ERLIN1: variants seen among roughly 807,000 people sequenced by gnomAD.
ERLIN1 encodes erlin-1.
In ERLIN1, 24 loss-of-function variants were observed where a neutral mutation model predicts 46.9. The ratio of observed to expected loss-of-function variants is 0.51; its 90% CI spans 0.37 to 0.72. The LOEUF (loss-of-function observed/expected upper bound fraction) is 0.72. Among genes scored for constraint, ERLIN1 ranks in the 30% least tolerant of loss-of-function variants. The pLI, the probability that ERLIN1 is intolerant of heterozygous loss-of-function variation, is 0.00. For missense variants in ERLIN1, 293 were observed against 417.9 expected, an observed-to-expected ratio of 0.70 and a Z score of 2.61; for synonymous variants, 158 against 143.2, an observed-to-expected ratio of 1.10 and a Z score of -0.74.
intron 8 of ERLIN1, among the ~76,000 whole-genome samples, chr10:100,162,599 A>G (rs11819020): frequency 0.13 from 20,335 of 152,160 alleles, 3,076 homozygotes; most frequent in African/African-American, 0.38. Context: ...CTGTGGAAAA[A>G]TACCTTACCT....
At position 100,185,554 on chromosome 10, in the gene ERLIN1, T is replaced by C; in HGVS notation, c.73A>G (p.Ile25Val). ...GLVAVLLYAS[I>V]HKIEEGHLAV... ...AGATGGCCCTCCTCAATCTTGTGGA[T>C]GGAGGCGTAGAGCAGGACAGCCACC... The change falls in exon 1 of 11, where the codon ATC becomes GTC. Residue 25 changes from isoleucine (I) to valine (V), a missense_variant. Ile to Val is a conservative substitution (Grantham distance 29, BLOSUM62 3). Transcript: ENST00000421367. 6.2e-7 allele frequency: 1 copy of C among 1,613,984 alleles called. No individual in the cohort carries two copies. Among genetic ancestry groups the C allele is most frequent in the Non-Finnish European group, 8.5e-7 (1 of 1,179,852 alleles).
chr10:100,184,350 C>G (rs143614631), intron 1 of ERLIN1, among the ~76,000 whole-genome samples: 37 of 151,886 alleles, frequency 2.4e-4, no homozygotes, highest in Admixed American at 1.6e-3. Context: ...TATATAAAAA[C>G]AAAAAATTAG....
intron 2 of ERLIN1, among the ~76,000 whole-genome samples, chr10:100,179,701 C>G (rs2134173936): frequency 6.6e-6 from 1 of 152,298 alleles, no homozygotes; most frequent in Middle Eastern, 3.4e-3. Flanking sequence ...AAGTGATCCA[C>G]CCACCTTGGC....
rs573200218 is a variant in ERLIN1, at chr10:100,151,728, T to C, written c.*403A>G. 3.4e-6 allele frequency: 1 copy of C among 293,984 alleles called. No homozygotes were observed. Among genetic ancestry groups the C allele is most frequent in the East Asian group, 8.5e-5 (1 of 11,776 alleles). 18.2% of individuals were successfully genotyped at this position (293,984 alleles called of 1,614,324 possible). A position where few individuals can be genotyped will look rare whatever the true frequency, so the allele number is the denominator to read the frequency against. On this transcript the variant is annotated 3_prime_UTR_variant, in exon 11 of 11. Transcript: ENST00000421367. ...CAGTCTTCTTGAACTTACCATCTCC[T>C]TCTCAGTCATCTCTTGAATGGTGGC...
chr10:100,182,374 T>C (rs1332460093), intron 2 of ERLIN1, among the ~76,000 whole-genome samples: 2 of 152,062 alleles, frequency 1.3e-5, no homozygotes, highest in Admixed American at 6.6e-5. Flanking sequence ...ATTGCTAACA[T>C]TATTATAGAT....
intron 7 of ERLIN1, among the ~76,000 whole-genome samples, chr10:100,167,108 C>T (rs1245116714): frequency 6.6e-6 from 1 of 152,142 alleles, no homozygotes; most frequent in Non-Finnish European, 1.5e-5. Context: ...AGTTTTACAG[C>T]AAACTGCATC....
In ERLIN1 at chr10:100,160,325, A is replaced by C. The variant is rs182807712; in HGVS notation, c.655+3679T>G. Among the ~76,000 whole-genome samples, 162 of 152,304 alleles carry C rather than the reference A, an allele frequency of 1.1e-3. 1 individual carries two copies. Among genetic ancestry groups the C allele is most frequent in the Admixed American group, 3.2e-3 (49 of 15,304 alleles). On this transcript the variant is annotated intron_variant, in intron 8 of 10. Coordinates refer to ENST00000421367, the MANE Select transcript of ERLIN1 (RefSeq NM_006459.4). ...GGCTTTTACGAGTTCCACCAGACCT[A>C]CAAAGATGAAATTATACAGATCTGA...
intron 2 of ERLIN1, among the ~76,000 whole-genome samples, chr10:100,181,133 C>T (rs1279954973): frequency 1.3e-5 from 2 of 152,258 alleles, no homozygotes; most frequent in South Asian, 2.1e-4. Context: ...ATACACGTTC[C>T]TATTTAAACC....
intron 10 of ERLIN1, 113 bp downstream of exon 10, chr10:100,154,747 C>A: frequency 1.3e-6 from 1 of 799,990 alleles, no homozygotes; most frequent in Middle Eastern, 2.3e-4. Context: ...ATGTCTTGGT[C>A]ACTACACTTT....
intron 2 of ERLIN1, among the ~76,000 whole-genome samples, chr10:100,183,387 C>A (rs546926800): frequency 6.6e-6 from 1 of 152,278 alleles, no homozygotes; most frequent in East Asian, 1.9e-4. Flanking sequence ...AGCCCAGGAG[C>A]CTGCCTCTAT....
chr10:100,176,366 A>G (rs1844301962), intron 4 of ERLIN1, among the ~76,000 whole-genome samples: 1 of 152,206 alleles, frequency 6.6e-6, no homozygotes, highest in African/African-American at 2.4e-5. Flanking sequence ...AGGAACTATC[A>G]AAGGTTTCAA....
At chr10:100,180,744 C>T (rs758081911) in intron 2 of ERLIN1, among the ~76,000 whole-genome samples, 36 of 152,176 alleles carry the variant, frequency 2.4e-4, no homozygotes, top group Non-Finnish European at 4.9e-4. Context: ...CTCTCTAGTT[C>T]ACCTTATATA....
chr10:100,161,102 C>G (rs891213545), intron 8 of ERLIN1, among the ~76,000 whole-genome samples: 8 of 152,152 alleles, frequency 5.3e-5, no homozygotes, highest in Admixed American at 5.2e-4. Flanking sequence ...CTTTTCTACA[C>G]TGTACTTAGA....
At chr10:100,168,300 G>C (rs1266647987) in intron 6 of ERLIN1, among the ~76,000 whole-genome samples, 1 of 152,102 alleles carries the variant, frequency 6.6e-6, no homozygotes, top group African/African-American at 2.4e-5. Context: ...TTCTTTAAAG[G>C]CTTTTAAAAC....
chr10:100,182,952 C>G (rs11813082), intron 2 of ERLIN1, among the ~76,000 whole-genome samples: 2,042 of 152,190 alleles, frequency 0.013, 49 homozygotes, highest in African/African-American at 0.047. Context: ...CCTAAGCCAT[C>G]TAAAAGGGGA....
chr10:100,154,043 C>G (rs1842938894), intron 10 of ERLIN1, among the ~76,000 whole-genome samples: 1 of 152,328 alleles, frequency 6.6e-6, no homozygotes, highest in Non-Finnish European at 1.5e-5. Context: ...TCTAATCCTT[C>G]AAACTGCATC....
chr10:100,168,843 C>T (rs1843809752), intron 6 of ERLIN1, among the ~76,000 whole-genome samples: 1 of 152,066 alleles, frequency 6.6e-6, no homozygotes, highest in Admixed American at 6.6e-5. Flanking sequence ...CCAAGCCCGA[C>T]TAATTTTTGT....
rs1199328865 is a variant in ERLIN1 at position 100,185,548 on chromosome 10, T to C, written c.79A>G (p.Lys27Glu). ...VAVLLYASIH[K>E]IEEGHLAVYY... is the part of the protein sequence containing the mutation. ...ACAGCCAGATGGCCCTCCTCAATCT[T>C]GTGGATGGAGGCGTAGAGCAGGACA... Residue 27 changes from lysine (K) to glutamate (E), a missense_variant, in exon 1 of 11, where the codon AAG becomes GAG. Around this residue, in one of 3 missense-constraint regions of ERLIN1, gnomAD observed 76 missense variants for 77.0 expected, o/e 0.99. Transcript: ENST00000421367. 5.0e-6 allele frequency: 8 copies of C among 1,613,820 alleles called. No homozygotes were observed. The highest frequency in any genetic ancestry group is 5.1e-6 in the Non-Finnish European group (6 of 1,179,726).
At chr10:100,174,184 A>T (rs1261527490) in intron 6 of ERLIN1, 24 bp downstream of exon 6, 1 of 1,486,872 alleles carries the variant, frequency 6.7e-7, no homozygotes, top group Non-Finnish European at 9.2e-7. Context: ...ATCCCCAGAG[A>T]ACTTCCCTAG....
Sources: gnomAD v4.1 joint callset for allele counts (sites outside exome capture counted in the v4.1 genomes callset) on GRCh38, gnomAD v4.1.1 for gene constraint, gnomAD v4.1.1 regional missense constraint, MANE v1.5 for transcripts, NCBI Gene and HGNC (gene_info 2026-07-23, HGNC 2026-07-21) for gene names.